TBL1XR1: variants seen among roughly 807,000 people sequenced by gnomAD.
TBL1XR1 encodes the protein TBL1X/Y related 1, also known as F-box-like/WD repeat-containing protein TBL1XR1.
TBL1XR1 carries 5 observed loss-of-function variants against 66.9 expected under a neutral mutation model. The observed-to-expected ratio is 0.07, with a 90% CI of 0.04 to 0.16. The LOEUF (loss-of-function observed/expected upper bound fraction) is 0.16, where lower values mean the gene tolerates loss of function less well. TBL1XR1 is among the 10% of genes least tolerant of loss of function. The probability of loss-of-function intolerance (pLI) is 1.00; values close to 1 mark genes in which losing one functional copy is unlikely to be tolerated. For missense variants in TBL1XR1, 238 were observed against 623.2 expected (o/e 0.38, Z 6.58); for synonymous variants, 210 against 206.0 (o/e 1.02, Z -0.17).
chr3:177,180,465 G>GT (rs1257510992), intron 1 of TBL1XR1, among the ~76,000 whole-genome samples: 1 of 148,248 alleles, frequency 6.7e-6, no homozygotes, highest in Non-Finnish European at 1.5e-5. Context: ...TCTCCTTGGA[G>GT]TTTTTTTAAT....
chr3:177,094,738 T>C (rs1372671820), intron 2 of TBL1XR1, among the ~76,000 whole-genome samples: 1 of 152,162 alleles, frequency 6.6e-6, no homozygotes, highest in Non-Finnish European at 1.5e-5. Context: ...TAACGTTGCA[T>C]GTTCTCACTC....
chr3:177,054,045 CGTGTGTGTGTGTGTGTGT>C (rs3046468), intron 3 of TBL1XR1, 127 bp from the exon 4 acceptor site: 4 of 615,558 alleles, frequency 6.5e-6, no homozygotes, highest in Non-Finnish European at 1.1e-5. Flanking sequence ...AGACGAAGGT[CGTGTGTGTGTGTGTGTGT>C]GTGTGTGTGT....
At chr3:177,093,164 CA>C (rs1266555993) in intron 2 of TBL1XR1, among the ~76,000 whole-genome samples, 1 of 152,162 alleles carries the variant, frequency 6.6e-6, no homozygotes, top group Non-Finnish European at 1.5e-5. Context: ...TTCTATACAT[CA>C]ACAGCAACCA....
At chr3:177,108,661 AATAGT>A (rs1725177414) in intron 1 of TBL1XR1, among the ~76,000 whole-genome samples, 1 of 152,242 alleles carries the variant, frequency 6.6e-6, no homozygotes, top group South Asian at 2.1e-4. Flanking sequence ...AAAGGTTAAA[AATAGT>A]ATAGTATTAA....
intron 2 of TBL1XR1, among the ~76,000 whole-genome samples, chr3:177,073,903 T>A (rs1054444589): frequency 6.6e-6 from 1 of 152,322 alleles, no homozygotes; most frequent in South Asian, 2.1e-4. Flanking sequence ...AGGGTTGCAA[T>A]CCCTTTCCTT....
At chr3:177,092,153 T>C (rs1204215573) in intron 2 of TBL1XR1, among the ~76,000 whole-genome samples, 1 of 152,164 alleles carries the variant, frequency 6.6e-6, no homozygotes, top group African/African-American at 2.4e-5. Flanking sequence ...AATGAGTATT[T>C]CCTTTGAGTG....
chr3:177,093,462 A>G (rs573239930), intron 2 of TBL1XR1, among the ~76,000 whole-genome samples: 32 of 152,280 alleles, frequency 2.1e-4, no homozygotes, highest in Middle Eastern at 3.4e-3. Context: ...TCACAGAAGT[A>G]CAAAAAACAG....
At chr3:177,100,859 TG>T (rs1316192720) in intron 1 of TBL1XR1, among the ~76,000 whole-genome samples, 1 of 131,236 alleles carries the variant, frequency 7.6e-6, no homozygotes, top group East Asian at 2.4e-4. Context: ...TCTTTTTCTT[TG>T]GTTTTTTTTT....
intron 3 of TBL1XR1, among the ~76,000 whole-genome samples, chr3:177,058,583 T>C (rs1718103153): frequency 6.6e-6 from 1 of 152,268 alleles, no homozygotes; most frequent in Non-Finnish European, 1.5e-5. Context: ...AATATCTATA[T>C]GTATAGGCTT....
chr3:177,134,971 G>GTGTGTGTGTGTC (rs1283330297), intron 1 of TBL1XR1, among the ~76,000 whole-genome samples: 2,868 of 146,082 alleles, frequency 0.02, 38 homozygotes, highest in African/African-American at 0.04. Flanking sequence ...GTGTGTCTGT[G>GTGTGTGTGTGTC]TGTGTGTCTG....
intron 14 of TBL1XR1, 61 bp downstream of exon 14, chr3:177,032,910 A>G: frequency 1.5e-6 from 2 of 1,359,488 alleles, no homozygotes; most frequent in Non-Finnish European, 1.9e-6. Flanking sequence ...GGCAGAGTGT[A>G]TAGGCAAATG....
At chr3:177,154,691 G>A (rs1013301965) in intron 1 of TBL1XR1, among the ~76,000 whole-genome samples, 6 of 151,970 alleles carry the variant, frequency 3.9e-5, no homozygotes, top group Non-Finnish European at 7.4e-5. Context: ...CACCGCGCCC[G>A]GCCGACAGAA....
chr3:177,049,505 G>A (rs554847471), intron 7 of TBL1XR1, among the ~76,000 whole-genome samples: 55 of 152,150 alleles, frequency 3.6e-4, no homozygotes, highest in Non-Finnish European at 7.3e-4. Context: ...TTCAGACGTT[G>A]TCTAGACTAA....
chr3:177,031,624 T>C (rs889983434), intron 14 of TBL1XR1, among the ~76,000 whole-genome samples: 46 of 147,834 alleles, frequency 3.1e-4, no homozygotes, highest in Middle Eastern at 3.4e-3. Flanking sequence ...AGCCACCATG[T>C]GCAGCCTAAA....
intron 2 of TBL1XR1, among the ~76,000 whole-genome samples, chr3:177,093,899 A>G (rs1318092107): frequency 2.6e-5 from 4 of 152,214 alleles, no homozygotes; most frequent in African/African-American, 4.8e-5. Flanking sequence ...AAACCCTTCT[A>G]GACACTAGCT....
At chr3:177,057,895 G>A (rs572581686) in intron 3 of TBL1XR1, among the ~76,000 whole-genome samples, 4 of 152,238 alleles carry the variant, frequency 2.6e-5, no homozygotes, top group South Asian at 2.1e-4. Flanking sequence ...TGACAGAGAC[G>A]AGCAACGACA....
chr3:177,098,539 A>G lies in TBL1XR1; in HGVS notation c.-119T>C. On this transcript the variant is annotated splice_region_variant and 5_prime_UTR_variant, in exon 2 of 16. Transcript: ENST00000457928. ...CGCCAATCACAAGTTGCTGTTGTTG[A>G]TGCTGAGGAAAAGGAAAGTAAAGTA... 1 of 985,860 alleles carries G rather than the reference A, an allele frequency of 1.0e-6. No individual in the cohort carries two copies. The highest frequency in any genetic ancestry group is 1.2e-6 in the Non-Finnish European group (1 of 829,922). The allele number at this position is 985,860 out of a possible 1,614,324, so 61.1% of individuals were successfully genotyped here. A position where few individuals can be genotyped will look rare whatever the true frequency, so the allele number is the denominator to read the frequency against.
At chr3:177,162,217 A>G (rs554697394) in intron 1 of TBL1XR1, among the ~76,000 whole-genome samples, 4 of 152,344 alleles carry the variant, frequency 2.6e-5, no homozygotes, top group African/African-American at 9.6e-5. Context: ...GTAGTATTAC[A>G]CTTATGCGTG....
chr3:177,059,716 A>G (rs1239036417), intron 3 of TBL1XR1, among the ~76,000 whole-genome samples: 2 of 152,126 alleles, frequency 1.3e-5, no homozygotes, highest in African/African-American at 4.8e-5. Flanking sequence ...AATATTGTCA[A>G]CTTGATTGGA....
Sources: gnomAD v4.1 joint callset for allele counts (sites outside exome capture counted in the v4.1 genomes callset) on GRCh38, gnomAD v4.1.1 for gene constraint, MANE v1.5 for transcripts, NCBI Gene and HGNC (gene_info 2026-07-23, HGNC 2026-07-21) for gene names.